FAM227B: variants seen among roughly 807,000 people sequenced by gnomAD.
FAM227B encodes the protein protein FAM227B.
A neutral mutation model predicts 73.8 loss-of-function variants in FAM227B; 88 were observed. The ratio of observed to expected loss-of-function variants is 1.19; its 90% confidence interval spans 1.00 to 1.42. The LOEUF is 1.42. Among genes scored for constraint, FAM227B ranks in the 40% most tolerant of loss-of-function variants. The pLI is 0.00. For missense variants in FAM227B, 632 were observed against 590.9 expected (o/e 1.07, Z -0.72); for synonymous variants, 210 against 190.5 (o/e 1.10, Z -0.84).
chr15:49,600,818 G>A (rs956432916), intron 3 of FAM227B, among the ~76,000 whole-genome samples: 7 of 151,678 alleles, frequency 4.6e-5, no homozygotes, highest in African/African-American at 7.3e-5. Flanking sequence ...TGAGGTGGGC[G>A]AATTACCAGG....
intron 11 of FAM227B, among the ~76,000 whole-genome samples, chr15:49,454,272 G>T (rs901288693): frequency 1.3e-5 from 2 of 152,000 alleles, no homozygotes; most frequent in Non-Finnish European, 2.9e-5. Flanking sequence ...TTTCATAGGG[G>T]GCAGGGCACT....
chr15:49,515,696 C>A (rs1157021595), intron 10 of FAM227B, among the ~76,000 whole-genome samples: 4 of 152,142 alleles, frequency 2.6e-5, no homozygotes, highest in African/African-American at 9.7e-5. Context: ...ACTTTTAGTA[C>A]TGCATATGCT....
At chr15:49,422,055 G>A (rs547330175) in intron 11 of FAM227B, among the ~76,000 whole-genome samples, 2 of 151,440 alleles carry the variant, frequency 1.3e-5, no homozygotes, top group East Asian at 3.9e-4. Context: ...CAGTTGAGTA[G>A]ATTTAATTTC....
In FAM227B at chr15:49,612,591, G is replaced by C. The variant is rs185262441; in HGVS notation, c.52-1323C>G. 2.0e-4 allele frequency among the ~76,000 whole-genome samples: 30 copies of C among 152,224 alleles called. 1 individual carries two copies. The Middle Eastern group carries it at 0.01, about 52-fold the overall frequency. On this transcript the variant is annotated intron_variant, in intron 2 of 15. Transcript: ENST00000299338. ...GAATGTCAGAAATATATAGGTACTT[G>C]AAAAATAATAAAAATACTTCTAGAG...
intron 11 of FAM227B, among the ~76,000 whole-genome samples, chr15:49,460,044 C>T (rs2053653166): frequency 6.6e-6 from 1 of 152,174 alleles, no homozygotes; most frequent in Non-Finnish European, 1.5e-5. Context: ...CTCACCACTG[C>T]CTAGTTTGTC....
intron 13 of FAM227B, chr15:49,366,669 G>T: frequency 4.6e-6 from 7 of 1,524,018 alleles, no homozygotes; most frequent in Non-Finnish European, 6.3e-6. Context: ...GGGGACAGCC[G>T]CCGCTGCGGC....
chr15:49,413,303 C>T (rs1597022569), intron 11 of FAM227B, among the ~76,000 whole-genome samples: 1 of 151,802 alleles, frequency 6.6e-6, no homozygotes, highest in African/African-American at 2.4e-5. Context: ...TCAGCTTTTG[C>T]TTCTCTCTCA....
chr15:49,380,176 G>A (rs1254702843), intron 11 of FAM227B, among the ~76,000 whole-genome samples: 1 of 152,158 alleles, frequency 6.6e-6, no homozygotes, highest in Non-Finnish European at 1.5e-5. Context: ...CAGGCCATGG[G>A]GAGTACTGCC....
At chr15:49,338,976 G>A (rs965251700) in intron 13 of FAM227B, among the ~76,000 whole-genome samples, 9 of 151,992 alleles carry the variant, frequency 5.9e-5, no homozygotes, top group Non-Finnish European at 4.4e-5. Context: ...TTTCAGCTCC[G>A]TCAGGTCACT....
At chr15:49,417,249 CT>C (rs1295516572) in intron 11 of FAM227B, among the ~76,000 whole-genome samples, 1 of 151,982 alleles carries the variant, frequency 6.6e-6, no homozygotes, top group East Asian at 1.9e-4. Flanking sequence ...AAAAAATAGC[CT>C]GGTATGGTGA....
intron 13 of FAM227B, among the ~76,000 whole-genome samples, chr15:49,346,251 C>T (rs371037674): frequency 7.2e-5 from 11 of 152,162 alleles, no homozygotes; most frequent in Admixed American, 4.6e-4. Context: ...TGCGCAAGTG[C>T]GCAACAAATG....
intron 13 of FAM227B, chr15:49,366,116 C>T: frequency 1.0e-6 from 1 of 969,024 alleles, no homozygotes. Flanking sequence ...AACTAGTCCA[C>T]TCCAGTATCC....
In FAM227B at chr15:49,338,946, C is replaced by T. The variant is rs147689728; in HGVS notation, c.1272-3450G>A. 5.4e-3 allele frequency among the ~76,000 whole-genome samples: 820 copies of T among 152,228 alleles called. 3 individuals are homozygous for T. The highest frequency in any genetic ancestry group is 8.3e-3 in the Non-Finnish European group (566 of 68,008). On this transcript the variant is annotated intron_variant, in intron 13 of 15. Transcript: ENST00000299338. The stretch of plus-strand genomic sequence containing the variant: ...GCTATTGATACTTGTGTATGCTTCA[C>T]GAAGTTCTCATGCTGTGTTTTTCAG...
intron 13 of FAM227B, chr15:49,366,431 T>C: frequency 1.1e-6 from 1 of 894,322 alleles, no homozygotes; most frequent in Non-Finnish European, 1.9e-6. Flanking sequence ...AACTGCTTTG[T>C]TCTTTATGTC....
intron 11 of FAM227B, among the ~76,000 whole-genome samples, chr15:49,504,169 C>T (rs996961113): frequency 1.8e-4 from 28 of 151,406 alleles, no homozygotes; most frequent in Non-Finnish European, 2.9e-4. Flanking sequence ...AGCAAACTAT[C>T]GCAAGGACAA....
At chr15:49,443,879 A>G (rs1402779674) in intron 11 of FAM227B, among the ~76,000 whole-genome samples, 1 of 151,580 alleles carries the variant, frequency 6.6e-6, no homozygotes, top group Non-Finnish European at 1.5e-5. Flanking sequence ...AGAATTTGTA[A>G]TGAACTATGT....
At chr15:49,511,422 A>G (rs1417342189) in intron 10 of FAM227B, among the ~76,000 whole-genome samples, 1 of 152,144 alleles carries the variant, frequency 6.6e-6, no homozygotes, top group Non-Finnish European at 1.5e-5. Context: ...TCTTCTTTGA[A>G]GATTGAGTTA....
intron 2 of FAM227B, chr15:49,614,883 G>A (rs535283555): frequency 1.9e-5 from 9 of 478,930 alleles, no homozygotes; most frequent in African/African-American, 1.4e-4. Flanking sequence ...TAGTCAGTCA[G>A]GGAGATGGAT....
chr15:49,500,661 T>C (rs1187631487), intron 11 of FAM227B, among the ~76,000 whole-genome samples: 1 of 152,234 alleles, frequency 6.6e-6, no homozygotes, highest in Non-Finnish European at 1.5e-5. Context: ...AAATTTCGGA[T>C]AAGAGATTGA....
Sources: gnomAD v4.1 joint callset for allele counts (sites outside exome capture counted in the v4.1 genomes callset) on GRCh38, gnomAD v4.1.1 for gene constraint, MANE v1.5 for transcripts, NCBI Gene and HGNC (gene_info 2026-07-23, HGNC 2026-07-21) for gene names.